The following NLRP3 variants were observed in gnomAD, a reference collection of about 807,000 sequenced individuals.
NLRP3 encodes the protein NLR family pyrin domain containing 3.
NLRP3 carries 48 observed loss-of-function variants against 91.3 expected under a neutral mutation model. The ratio of observed to expected loss-of-function variants is 0.53; its 90% CI spans 0.42 to 0.67. NLRP3 has a LOEUF of 0.67. NLRP3 is among the 30% of genes least tolerant of loss of function. NLRP3 has a pLI of 0.00. For synonymous variants in NLRP3, 561 were observed against 507.9 expected, an observed-to-expected ratio of 1.10 and a Z score of -1.41; for missense variants, 982 against 1,276.9, an observed-to-expected ratio of 0.77 and a Z score of 3.52.
intron 7 of NLRP3, among the ~76,000 whole-genome samples, chr1:247,438,437 G>T: frequency 8.4e-6 from 1 of 118,602 alleles, no homozygotes. Context: ...AGGCTAAAAT[G>T]CAGTGGCGCA....
In NLRP3 at chr1:247,424,789, G is replaced by A; in HGVS notation, c.1340G>A (p.Ser447Asn). 4 of 1,610,500 alleles carry A rather than the reference G, an allele frequency of 2.5e-6. No individual in the cohort carries two copies. Among genetic ancestry groups the A allele is most frequent in the Non-Finnish European group, 3.4e-6 (4 of 1,180,028 alleles). The change falls in exon 4 of 10, where the codon AGT becomes AAT. Residue 447 changes from serine (S) to asparagine (N), a missense_variant. Physicochemically the swap from Ser to Asn is conservative, Grantham distance 46. Transcript: ENST00000336119. This position sits in a 1 kb window ranked among gnomAD's most constrained non-coding sequence, Gnocchi z 8.1. The part of the protein sequence containing the change: ...TTAVYVFFLS[S>N]LLQPRGGSQE... ...GCGGTGTACGTCTTCTTCCTTTCCA[G>A]TTTGCTGCAGCCCCGGGGAGGGAGC...
intron 4 of NLRP3, among the ~76,000 whole-genome samples, chr1:247,427,603 G>T (rs1207535616): frequency 6.6e-6 from 1 of 151,114 alleles, no homozygotes; most frequent in Non-Finnish European, 1.5e-5. Flanking sequence ...TTACTCTGAG[G>T]ACAGACTCTC....
chr1:247,418,898 A>C lies in NLRP3; in HGVS notation c.98A>C (p.Gln33Pro). Residue 33 changes from glutamine (Q) to proline (P), a missense_variant, in exon 2 of 10, where the codon CAG (glutamine) becomes CCG (proline). Physicochemically the swap from Gln to Pro is moderately conservative, Grantham distance 76. Transcript: ENST00000336119. ...FKMHLEDYPP[Q>P]KGCIPLPRGQ... ...ATGCACTTAGAGGACTATCCTCCCC[A>C]GAAGGGCTGCATCCCCCTCCCGAGG... 6.2e-7 allele frequency: 1 copy of C among 1,614,182 alleles called. No homozygotes were observed. The highest frequency in any genetic ancestry group is 1.1e-5 in the South Asian group (1 of 91,086).
intron 3 of NLRP3, 28 bp from the exon 4 acceptor site, chr1:247,423,819 T>A: frequency 1.2e-6 from 2 of 1,606,176 alleles, no homozygotes; most frequent in South Asian, 1.1e-5. Flanking sequence ...GTGTATACTT[T>A]CCCCCTAACT....
At chr1:247,439,123 G>A (rs1357319187) in intron 7 of NLRP3, among the ~76,000 whole-genome samples, 1 of 151,880 alleles carries the variant, frequency 6.6e-6, no homozygotes, top group African/African-American at 2.4e-5. Flanking sequence ...ATGGACAAAT[G>A]GATTTCCTGT....
At chr1:247,428,660 A>G (rs35931358) in intron 4 of NLRP3, among the ~76,000 whole-genome samples, 27,418 of 141,096 alleles carry the variant, frequency 0.19, 2,475 homozygotes, top group Middle Eastern at 0.26. Flanking sequence ...TTTTAAATAA[A>G]AAAGATCCAT....
chr1:247,417,761 C>T (rs1662161423), intron 1 of NLRP3, among the ~76,000 whole-genome samples: 1 of 152,172 alleles, frequency 6.6e-6, no homozygotes, highest in South Asian at 2.1e-4. Flanking sequence ...GCTGGGATTA[C>T]AGGGATGTAT....
chr1:247,429,033 C>T (rs191582990), intron 4 of NLRP3, among the ~76,000 whole-genome samples: 386 of 152,098 alleles, frequency 2.5e-3, no homozygotes, highest in Non-Finnish European at 4.9e-3. Flanking sequence ...GCTGGGATGA[C>T]AGGCTCGTGC....
At chr1:247,438,240 C>T (rs1350225881) in intron 7 of NLRP3, among the ~76,000 whole-genome samples, 1 of 152,166 alleles carries the variant, frequency 6.6e-6, no homozygotes, top group African/African-American at 2.4e-5. Flanking sequence ...TTTCACTCTT[C>T]CTCTTTGGAA....
At chr1:247,420,574 G>A (rs151215251) in intron 2 of NLRP3, among the ~76,000 whole-genome samples, 85 of 152,162 alleles carry the variant, frequency 5.6e-4, no homozygotes, top group African/African-American at 1.9e-3. Context: ...AAAATTAGCC[G>A]GGTGTGGTGG....
At chr1:247,426,910 G>A (rs541639903) in intron 4 of NLRP3, among the ~76,000 whole-genome samples, 50 of 152,316 alleles carry the variant, frequency 3.3e-4, no homozygotes, top group Non-Finnish European at 5.6e-4. Context: ...TTGAGAGAGA[G>A]GGCAGGTGTG....
Position 247,425,799 on chromosome 1 carries a change from A to AT in NLRP3, c.2150+200_2150+201insT. On this transcript the variant is annotated intron_variant, in intron 4 of 9. Transcript: ENST00000336119. This position sits in a 1 kb window ranked among gnomAD's most constrained non-coding sequence, Gnocchi z 4.1. ...GGTGGATAAATGGGATGAGGAAAAA[A>AT]AAAATAAAACAAGGAACAAATGTTT... is the stretch of plus-strand genomic sequence containing the variant. The AT allele has an allele frequency of 1.6e-6, 1 of 606,526 alleles. No individual in the cohort carries two copies. Among genetic ancestry groups the AT allele is most frequent in the Non-Finnish European group, 2.9e-6 (1 of 342,166 alleles). The allele number at this position is 606,526 out of a possible 1,614,324, so 37.6% of individuals were successfully genotyped here.
intron 3 of NLRP3, 27 bp downstream of exon 3, chr1:247,423,376 T>C (rs761729030): frequency 6.2e-7 from 1 of 1,613,434 alleles, no homozygotes; most frequent in Non-Finnish European, 8.5e-7. Context: ...GTGCTTCTAG[T>C]TGAGTTTTAA....
chr1:247,444,595 G>A, intron 8 of NLRP3, 56 bp from the exon 9 acceptor site: 1 of 1,588,426 alleles, frequency 6.3e-7, no homozygotes, highest in Non-Finnish European at 8.6e-7. Context: ...TAAAATCTTG[G>A]GGAGCTAGGG....
chr1:247,428,005 A>G (rs1179173432), intron 4 of NLRP3, among the ~76,000 whole-genome samples: 1 of 131,284 alleles, frequency 7.6e-6, no homozygotes, highest in Non-Finnish European at 1.6e-5. Flanking sequence ...GGGGCTCAGC[A>G]CCCATTTCTC....
chr1:247,446,110 T>G (rs574495410), intron 9 of NLRP3, among the ~76,000 whole-genome samples: 17 of 152,322 alleles, frequency 1.1e-4, no homozygotes, highest in Admixed American at 2.6e-4. Flanking sequence ...CATTTCTGGT[T>G]CTGTCGTCAC....
chr1:247,421,849 G>C (rs1662481714), intron 2 of NLRP3, among the ~76,000 whole-genome samples: 2 of 152,090 alleles, frequency 1.3e-5, no homozygotes, highest in African/African-American at 4.8e-5. Context: ...AATAGACTTT[G>C]GCTAATTTAC....
chr1:247,426,307 T>C (rs1018761794), intron 4 of NLRP3, among the ~76,000 whole-genome samples: 5 of 152,212 alleles, frequency 3.3e-5, no homozygotes, highest in African/African-American at 9.6e-5. Flanking sequence ...TTTTCGGGTC[T>C]GTTCACACAC....
Position 247,444,137 on chromosome 1 carries a change from G to T in NLRP3, c.2829G>T (p.Val943=). 3 of 1,614,226 alleles carry T rather than the reference G, an allele frequency of 1.9e-6. No individual in the cohort carries two copies. The highest frequency in any genetic ancestry group is 2.5e-6 in the Non-Finnish European group (3 of 1,180,036). The change falls in exon 8 of 10, where the codon GTG becomes GTT. Residue 943 remains valine (V), a synonymous_variant. Transcript: ENST00000336119. ...TGCACCCCGACTGCAAGCTTCAGGT[G>T]TTGGAGTAAGTCCTTTGGTTTATTA... ...GLLHPDCKLQ[V]LELDNCNLTS...
Sources: gnomAD v4.1 joint callset for allele counts (sites outside exome capture counted in the v4.1 genomes callset) on GRCh38, gnomAD v4.1.1 for gene constraint, Gnocchi (gnomAD v3.1) non-coding constraint, MANE v1.5 for transcripts, NCBI Gene and HGNC (gene_info 2026-07-23, HGNC 2026-07-21) for gene names.